Variants in ANAPC10 observed in about 807,000 individuals in gnomAD.
ANAPC10 encodes the protein anaphase promoting complex subunit 10.
Under a neutral mutation model 22.0 loss-of-function variants are expected in ANAPC10, and 12 were observed. The ratio of observed to expected loss-of-function variants is 0.55; its 90% CI spans 0.35 to 0.88. ANAPC10 has a LOEUF of 0.88. Ranked by LOEUF, ANAPC10 falls within the 40% of genes least tolerant of loss-of-function variation. The pLI is 0.01. For missense variants in ANAPC10, 188 were observed against 220.9 expected, an observed-to-expected ratio of 0.85 and a Z score of 0.94; for synonymous variants, 65 against 69.5, an observed-to-expected ratio of 0.94 and a Z score of 0.32.
At chr4:145,004,402 G>C (rs1317210594) in intron 4 of ANAPC10, among the ~76,000 whole-genome samples, 1 of 152,126 alleles carries the variant, frequency 6.6e-6, no homozygotes, top group Non-Finnish European at 1.5e-5. Context: ...GTGAGTGAAG[G>C]CATCCTTGTT....
chr4:145,091,977 A>T (rs901584501), intron 2 of ANAPC10, among the ~76,000 whole-genome samples: 11 of 152,274 alleles, frequency 7.2e-5, no homozygotes, highest in African/African-American at 1.9e-4. Flanking sequence ...CCTACCTAAG[A>T]CTGCTGCTGC....
intron 4 of ANAPC10, among the ~76,000 whole-genome samples, chr4:144,996,012 T>G (rs1731551135): frequency 6.6e-6 from 1 of 152,174 alleles, no homozygotes; most frequent in Admixed American, 6.5e-5. Context: ...TAGATACTCA[T>G]ATTTTGAACA....
intron 3 of ANAPC10, among the ~76,000 whole-genome samples, chr4:145,074,045 A>G (rs1744854397): frequency 6.6e-6 from 1 of 151,912 alleles, no homozygotes; most frequent in Admixed American, 6.5e-5. Context: ...TTAAAATATT[A>G]TTCCCAATAT....
At chr4:145,093,456 A>G (rs779610648) in intron 2 of ANAPC10, among the ~76,000 whole-genome samples, 6 of 152,076 alleles carry the variant, frequency 3.9e-5, no homozygotes, top group Non-Finnish European at 7.4e-5. Context: ...AAAAAAAGAC[A>G]AACAAAAAGA....
chr4:145,002,414 A>G (rs1188707017), intron 4 of ANAPC10, among the ~76,000 whole-genome samples: 1 of 152,200 alleles, frequency 6.6e-6, no homozygotes, highest in Non-Finnish European at 1.5e-5. Flanking sequence ...TTTGAAAGTC[A>G]AAATCAGTCC....
intron 2 of ANAPC10, among the ~76,000 whole-genome samples, chr4:145,091,098 T>C (rs1225490547): frequency 2.0e-5 from 3 of 152,210 alleles, no homozygotes; most frequent in Non-Finnish European, 4.4e-5. Context: ...AAGTAAGACA[T>C]ATGACATTGC....
chr4:145,000,317 G>A (rs1325891409), intron 4 of ANAPC10, among the ~76,000 whole-genome samples: 1 of 151,836 alleles, frequency 6.6e-6, no homozygotes, highest in Non-Finnish European at 1.5e-5. Flanking sequence ...TCTGACAGAG[G>A]GCTAATATCC....
chr4:145,052,563 T>C (rs1560879919), intron 4 of ANAPC10, among the ~76,000 whole-genome samples: 1 of 152,156 alleles, frequency 6.6e-6, no homozygotes, highest in Non-Finnish European at 1.5e-5. Context: ...TAAATAACTA[T>C]ATTGATTTCT....
intron 2 of ANAPC10, among the ~76,000 whole-genome samples, chr4:145,089,706 C>T (rs2126641052): frequency 1.3e-5 from 2 of 152,238 alleles, no homozygotes; most frequent in East Asian, 3.9e-4. Context: ...AAGCCATGTG[C>T]CACCTACCAT....
chr4:145,090,386 T>G (rs1386889867), intron 2 of ANAPC10, among the ~76,000 whole-genome samples: 1 of 152,212 alleles, frequency 6.6e-6, no homozygotes, highest in Non-Finnish European at 1.5e-5. Flanking sequence ...CCTACAGATA[T>G]GGAAGGCTAA....
chr4:145,084,529 C>T (rs980331311), intron 2 of ANAPC10, among the ~76,000 whole-genome samples: 4 of 151,962 alleles, frequency 2.6e-5, no homozygotes, highest in African/African-American at 9.7e-5. Context: ...GGAAGAAGAA[C>T]TGTCTTGGGC....
At chr4:145,066,116 T>C (rs1743639948) in intron 3 of ANAPC10, among the ~76,000 whole-genome samples, 1 of 152,136 alleles carries the variant, frequency 6.6e-6, no homozygotes, top group African/African-American at 2.4e-5. Context: ...GTACTCTGTG[T>C]CAAAAGTCAG....
intron 3 of ANAPC10, among the ~76,000 whole-genome samples, chr4:145,080,113 CAAAAAAAAA>C (rs70956824): frequency 1.1e-4 from 3 of 26,808 alleles, no homozygotes; most frequent in African/African-American, 5.3e-4. Flanking sequence ...GACTCTGTCT[CAAAAAAAAA>C]AAAAAAAAAA....
chr4:145,038,910 C>T (rs1739058971), intron 4 of ANAPC10, among the ~76,000 whole-genome samples: 1 of 33,252 alleles, frequency 3.0e-5, no homozygotes, highest in Non-Finnish European at 5.6e-5. Context: ...CTTCTGATGA[C>T]GAGACATCAC....
chr4:144,998,636 A>G (rs1732003919), intron 4 of ANAPC10, among the ~76,000 whole-genome samples: 2 of 152,234 alleles, frequency 1.3e-5, no homozygotes, highest in South Asian at 4.1e-4. Context: ...AGGGAAATTT[A>G]TAGCACTAAA....
intron 4 of ANAPC10, among the ~76,000 whole-genome samples, chr4:145,008,683 G>A (rs192063336): frequency 0.015 from 2,357 of 152,198 alleles, 51 homozygotes; most frequent in Admixed American, 0.073. Flanking sequence ...TTGATGGGAC[G>A]TATCTCAAAA....
At chr4:145,083,714 T>C (rs1295160621) in intron 2 of ANAPC10, among the ~76,000 whole-genome samples, 6 of 152,172 alleles carry the variant, frequency 3.9e-5, no homozygotes, top group Non-Finnish European at 5.9e-5. Flanking sequence ...ATTGCACTTT[T>C]ATAAAATTTT....
At chr4:145,080,801 G>C (rs552430690) in intron 3 of ANAPC10, among the ~76,000 whole-genome samples, 1 of 151,392 alleles carries the variant, frequency 6.6e-6, no homozygotes, top group African/African-American at 2.4e-5. Context: ...CAGTTACTCG[G>C]AAGGCTGAGG....
intron 4 of ANAPC10, among the ~76,000 whole-genome samples, chr4:145,028,935 C>T (rs932951489): frequency 1.3e-5 from 2 of 152,208 alleles, no homozygotes; most frequent in Non-Finnish European, 2.9e-5. Flanking sequence ...CTAAGACTGC[C>T]CTAAGTGGGA....
Sources: allele counts gnomAD v4.1 joint callset (sites outside exome capture counted in the v4.1 genomes callset), GRCh38; gene constraint gnomAD v4.1.1; transcripts MANE v1.5; gene names NCBI Gene and HGNC (gene_info 2026-07-23, HGNC 2026-07-21).